Variants in CPNE4 observed in about 807,000 individuals in gnomAD.
CPNE4 encodes the protein copine 4, also known as copine-4.
Under a neutral mutation model 67.9 loss-of-function variants are expected in CPNE4, and 25 were observed. That is an observed-to-expected ratio of 0.37 (90% CI 0.27 to 0.51). The LOEUF (loss-of-function observed/expected upper bound fraction) is 0.51. Ranked by LOEUF, CPNE4 falls within the 20% of genes least tolerant of loss-of-function variation. The pLI is 0.93. For missense variants in CPNE4, 464 were observed against 690.8 expected (o/e 0.67, Z 3.68); for synonymous variants, 242 against 244.9 (o/e 0.99, Z 0.11).
At chr3:131,644,298 C>T (rs1428026645) in intron 7 of CPNE4, among the ~76,000 whole-genome samples, 1 of 152,090 alleles carries the variant, frequency 6.6e-6, no homozygotes, top group Non-Finnish European at 1.5e-5. Flanking sequence ...CAGGTGCCCG[C>T]CACCATGCCT....
Position 131,674,062 on chromosome 3 carries a change from T to C in CPNE4, c.592-4298A>G, listed in dbSNP as rs114286740. 2.1e-3 allele frequency among the ~76,000 whole-genome samples: 313 copies of C among 152,212 alleles called. 1 individual carries two copies. Among genetic ancestry groups the C allele is most frequent in the African/African-American group, 7.2e-3 (301 of 41,566 alleles). The stretch of plus-strand genomic sequence containing the variant: ...GTATCAAATGCTTCTTCAGTATTAA[T>C]TGAAATGAGCATATGATTTTTGTCC... On this transcript the variant is annotated intron_variant, in intron 6 of 15. Transcript: ENST00000429747.
chr3:131,978,547 T>TAA (rs1474191510), intron 1 of CPNE4, among the ~76,000 whole-genome samples: 8 of 94,004 alleles, frequency 8.5e-5, no homozygotes, highest in Non-Finnish European at 1.2e-4. Flanking sequence ...TATAAATATA[T>TAA]ATATATATAT....
intron 1 of CPNE4, among the ~76,000 whole-genome samples, chr3:131,952,478 G>C (rs956007244): frequency 3.3e-5 from 3 of 90,854 alleles, no homozygotes; most frequent in Middle Eastern, 7.0e-3. Flanking sequence ...AGGTGGGGGG[G>C]TCAGCGCCCC....
At chr3:131,785,322 G>T (rs545477438) in intron 2 of CPNE4, among the ~76,000 whole-genome samples, 2 of 152,014 alleles carry the variant, frequency 1.3e-5, no homozygotes, top group Non-Finnish European at 2.9e-5. Context: ...CTGCCTTGAA[G>T]GCTTCCTTTG....
At chr3:131,745,023 T>G (rs1220128363) in intron 2 of CPNE4, among the ~76,000 whole-genome samples, 1 of 152,202 alleles carries the variant, frequency 6.6e-6, no homozygotes, top group Non-Finnish European at 1.5e-5. Context: ...TTTTGAAGAA[T>G]GGCTATACCA....
chr3:131,987,957 C>A (rs2107646427), intron 1 of CPNE4, among the ~76,000 whole-genome samples: 1 of 152,244 alleles, frequency 6.6e-6, no homozygotes, highest in Middle Eastern at 3.4e-3. Flanking sequence ...CATGAATAAG[C>A]ATTTGGCTTC....
chr3:131,806,418 C>T (rs571892940), intron 2 of CPNE4, among the ~76,000 whole-genome samples: 30 of 151,498 alleles, frequency 2.0e-4, no homozygotes, highest in African/African-American at 7.0e-4. Context: ...GGCATAGTGG[C>T]GGGCGCCTGT....
chr3:131,563,666 C>T (rs1936905617), intron 11 of CPNE4, among the ~76,000 whole-genome samples: 1 of 152,034 alleles, frequency 6.6e-6, no homozygotes, highest in Non-Finnish European at 1.5e-5. Context: ...ATAGTGATTA[C>T]AGGCTAAGCT....
At chr3:131,946,131 C>T (rs1468885869) in intron 1 of CPNE4, among the ~76,000 whole-genome samples, 1 of 152,162 alleles carries the variant, frequency 6.6e-6, no homozygotes, top group Non-Finnish European at 1.5e-5. Context: ...AAAGCATTTC[C>T]ATCACTTCTA....
intron 1 of CPNE4, among the ~76,000 whole-genome samples, chr3:131,987,079 C>T (rs77396117): frequency 0.019 from 2,916 of 152,254 alleles, 94 homozygotes; most frequent in African/African-American, 0.066. Flanking sequence ...AAAAACACTT[C>T]TCAAATTTGA....
intron 7 of CPNE4, among the ~76,000 whole-genome samples, chr3:131,649,804 ATAATT>A (rs1560045885): frequency 6.6e-6 from 1 of 152,224 alleles, no homozygotes; most frequent in Non-Finnish European, 1.5e-5. Context: ...TTGCTGTGTA[ATAATT>A]TACCACACAA....
chr3:131,895,868 A>G (rs965538177), intron 2 of CPNE4, among the ~76,000 whole-genome samples: 7 of 152,102 alleles, frequency 4.6e-5, no homozygotes, highest in African/African-American at 1.7e-4. Context: ...TTTGTGTCCC[A>G]AGGTTCAAAT....
chr3:131,866,495 C>T (rs1316253108), intron 2 of CPNE4, among the ~76,000 whole-genome samples: 1 of 152,198 alleles, frequency 6.6e-6, no homozygotes, highest in Non-Finnish European at 1.5e-5. Flanking sequence ...CAGGAATCCC[C>T]TGCTCAGGTT....
chr3:131,995,990 C>T (rs1391558859), intron 1 of CPNE4, among the ~76,000 whole-genome samples: 6 of 152,190 alleles, frequency 3.9e-5, no homozygotes, highest in South Asian at 2.1e-4. Flanking sequence ...CTCCATGGCT[C>T]ATGCTACTGA....
rs369155165 is a variant in CPNE4, at chr3:131,979,170, G to A, written c.-2+55397C>T. ...TGAATGGAATGTGTATTCTGCAGTC[G>A]TTGGATGAAATGTTCTGTATATGTC... On this transcript the variant is annotated intron_variant, in intron 1 of 15. Coordinates refer to ENST00000429747, the MANE Select transcript of CPNE4 (RefSeq NM_130808.3). Among the ~76,000 whole-genome samples the A allele has an allele frequency of 6.4e-4, 98 of 152,176 alleles. 1 individual carries two copies. Among genetic ancestry groups the A allele is most frequent in the East Asian group, 2.5e-3 (13 of 5,186 alleles).
intron 7 of CPNE4, among the ~76,000 whole-genome samples, chr3:131,645,693 C>T (rs890089830): frequency 1.3e-5 from 2 of 152,070 alleles, no homozygotes; most frequent in Admixed American, 6.6e-5. Flanking sequence ...TATCTGACTG[C>T]CCTGATTATG....
intron 6 of CPNE4, among the ~76,000 whole-genome samples, chr3:131,680,919 T>G (rs1383737919): frequency 2.0e-5 from 3 of 152,214 alleles, no homozygotes; most frequent in Non-Finnish European, 4.4e-5. Flanking sequence ...CATATAATAT[T>G]TGGTTTTCCA....
intron 2 of CPNE4, among the ~76,000 whole-genome samples, chr3:131,802,467 T>TG (rs2084167164): frequency 6.6e-6 from 1 of 152,002 alleles, no homozygotes; most frequent in Non-Finnish European, 1.5e-5. Flanking sequence ...AGAAGAAAAA[T>TG]GTTGACAAAT....
intron 3 of CPNE4, among the ~76,000 whole-genome samples, chr3:131,705,395 A>G (rs552312591): frequency 6.6e-6 from 1 of 152,320 alleles, no homozygotes; most frequent in East Asian, 1.9e-4. Context: ...GCACTGAGCT[A>G]GAAAGGGAGA....
Sources: gnomAD v4.1 joint callset for allele counts (sites outside exome capture counted in the v4.1 genomes callset) on GRCh38, gnomAD v4.1.1 for gene constraint, MANE v1.5 for transcripts, NCBI Gene and HGNC (gene_info 2026-07-23, HGNC 2026-07-21) for gene names.